The following ZBTB7C variants were observed in gnomAD, a reference collection of about 807,000 sequenced individuals.
ZBTB7C encodes zinc finger and BTB domain-containing protein 7C.
A neutral mutation model predicts 25.7 loss-of-function variants in ZBTB7C; 8 were observed. The observed-to-expected ratio is 0.31, with a 90% confidence interval of 0.18 to 0.56. The LOEUF is 0.56. Ranked by LOEUF, ZBTB7C falls within the 20% of genes least tolerant of loss-of-function variation. The probability of loss-of-function intolerance (pLI) is 0.91; values close to 1 mark genes in which losing one functional copy is unlikely to be tolerated. For missense variants in ZBTB7C, 824 were observed against 855.2 expected (o/e 0.96, Z 0.46); for synonymous variants, 394 against 369.0 (o/e 1.07, Z -0.78).
At chr18:48,277,199 G>A (rs1353084842) in intron 2 of ZBTB7C, among the ~76,000 whole-genome samples, 4 of 144,858 alleles carry the variant, frequency 2.8e-5, no homozygotes, top group African/African-American at 7.8e-5. Flanking sequence ...TACCATCAGA[G>A]TGAACAGGCA....
chr18:48,170,979 C>T (rs952126674), intron 3 of ZBTB7C, among the ~76,000 whole-genome samples: 3 of 152,216 alleles, frequency 2.0e-5, no homozygotes, highest in Admixed American at 2.0e-4. Context: ...GAGCTGTGCC[C>T]TGGGTTCTGC....
At position 48,393,792 on chromosome 18, in the gene ZBTB7C, C is replaced by G. The variant is rs180933698; in HGVS notation, c.-304+15434G>C. 1.8e-3 allele frequency among the ~76,000 whole-genome samples: 275 copies of G among 152,302 alleles called. 1 individual carries two copies. Among genetic ancestry groups the G allele is most frequent in the Admixed American group, 0.011 (169 of 15,302 alleles). The stretch of plus-strand genomic sequence containing the variant: ...CAACCTCAGGCACCAGAGTCAGGAA[C>G]CATGCTGCTTCAGTCACTGGAAAAT... On this transcript the variant is annotated intron_variant, in intron 1 of 4. Coordinates refer to ENST00000590800, the MANE Select transcript of ZBTB7C (RefSeq NM_001318841.2).
intron 2 of ZBTB7C, among the ~76,000 whole-genome samples, chr18:48,268,900 G>A (rs1469451611): frequency 6.6e-6 from 1 of 151,942 alleles, no homozygotes; most frequent in Non-Finnish European, 1.5e-5. Context: ...CTAGTAGCTG[G>A]GAAGTCCAAG....
intron 3 of ZBTB7C, chr18:48,162,377 T>C: frequency 2.2e-6 from 1 of 456,678 alleles, no homozygotes; most frequent in South Asian, 1.5e-5. Flanking sequence ...AAGTGACTTC[T>C]CTATGCCTCA....
Position 48,081,443 on chromosome 18 carries a change from CTTTTTCTTTTTCTTTTTCTTTTTT to C in ZBTB7C, c.-16-40344_-16-40321del, listed in dbSNP as rs574607686. On this transcript the variant is annotated intron_variant, in intron 3 of 4. Transcript: ENST00000590800. ...GCTCATTCTAAATGATTTCTTTTTT[CTTTTTCTTTTTCTTTTTCTTTTTT>C]TTTTTGGTTGAGATAGAGTCTCACT... Among the ~76,000 whole-genome samples, 33 of 124,498 alleles carry C rather than the reference CTTTTTCTTTTTCTTTTTCTTTTTT, an allele frequency of 2.7e-4. No individual in the cohort carries two copies. In the South Asian group the frequency reaches 7.2e-3, roughly 27 times the overall value. 81.7% of individuals were successfully genotyped at this position (124,498 alleles called of 152,430 possible). A position where few individuals can be genotyped will look rare whatever the true frequency, so the allele number is the denominator to read the frequency against.
intron 3 of ZBTB7C, among the ~76,000 whole-genome samples, chr18:48,093,936 G>A (rs1353426640): frequency 2.6e-5 from 4 of 152,242 alleles, no homozygotes; most frequent in African/African-American, 7.2e-5. Flanking sequence ...GCAGGTGCCT[G>A]TAGTCCCAGC....
intron 2 of ZBTB7C, among the ~76,000 whole-genome samples, chr18:48,215,602 G>C (rs1469792505): frequency 6.6e-6 from 1 of 152,144 alleles, no homozygotes; most frequent in Non-Finnish European, 1.5e-5. Flanking sequence ...GGAGTGTCTG[G>C]GTTAAGGTAA....
intron 3 of ZBTB7C, among the ~76,000 whole-genome samples, chr18:48,138,136 G>A (rs76636465): frequency 0.019 from 2,827 of 152,348 alleles, 88 homozygotes; most frequent in African/African-American, 0.065. Context: ...AGAGTCCAAC[G>A]AGGTGCTTGG....
intron 2 of ZBTB7C, among the ~76,000 whole-genome samples, chr18:48,254,650 A>G (rs1298109063): frequency 6.6e-6 from 1 of 151,958 alleles, no homozygotes; most frequent in Non-Finnish European, 1.5e-5. Context: ...CCATGTATTT[A>G]CCCCAGACAA....
At chr18:48,238,243 G>A (rs1323209814) in intron 2 of ZBTB7C, among the ~76,000 whole-genome samples, 1 of 152,164 alleles carries the variant, frequency 6.6e-6, no homozygotes, top group African/African-American at 2.4e-5. Context: ...GTGCATATAA[G>A]TGTTATGCAC....
intron 2 of ZBTB7C, among the ~76,000 whole-genome samples, chr18:48,262,069 T>C (rs145488104): frequency 0.015 from 2,272 of 152,262 alleles, 60 homozygotes; most frequent in African/African-American, 0.051. Flanking sequence ...CCCTAGAAAG[T>C]CACAGGAGTA....
At chr18:48,202,249 C>T (rs901903234) in intron 2 of ZBTB7C, among the ~76,000 whole-genome samples, 8 of 152,120 alleles carry the variant, frequency 5.3e-5, no homozygotes, top group Non-Finnish European at 7.4e-5. Context: ...AACAGACACA[C>T]GCAGAGAGGG....
chr18:48,324,811 C>T lies in ZBTB7C; in HGVS notation c.-79+13363G>A, dbSNP rs989570884. Among the ~76,000 whole-genome samples, 9 of 152,046 alleles carry T rather than the reference C, an allele frequency of 5.9e-5. No individual in the cohort carries two copies. The South Asian group carries it at 6.2e-4, about 11-fold the overall frequency. On this transcript the variant is annotated intron_variant, in intron 2 of 4. Transcript: ENST00000590800. ...GGCTGGGGATGGTGGCAGGAAACGC[C>T]GGGGGACCTGTCTGGGCTGGTCCAG... is the stretch of plus-strand genomic sequence containing the variant.
intron 2 of ZBTB7C, among the ~76,000 whole-genome samples, chr18:48,292,007 G>A (rs990177717): frequency 2.0e-5 from 3 of 152,126 alleles, no homozygotes; most frequent in Non-Finnish European, 4.4e-5. Flanking sequence ...AGGCCAGCCT[G>A]GCCAACATGG....
chr18:48,032,274 C>T (rs541825244), intron 4 of ZBTB7C, among the ~76,000 whole-genome samples: 7 of 151,072 alleles, frequency 4.6e-5, no homozygotes, highest in East Asian at 3.9e-4. Context: ...CCACCACGCC[C>T]GGCTAATTTT....
intron 2 of ZBTB7C, among the ~76,000 whole-genome samples, chr18:48,209,185 C>T (rs10460040): frequency 0.29 from 43,765 of 152,062 alleles, 6,746 homozygotes; most frequent in East Asian, 0.54. Context: ...GCAATGGATG[C>T]TCCAAGTTGG....
intron 3 of ZBTB7C, among the ~76,000 whole-genome samples, chr18:48,100,746 A>G (rs997071956): frequency 6.6e-6 from 1 of 152,188 alleles, no homozygotes; most frequent in African/African-American, 2.4e-5. Context: ...GGGTTTGGTA[A>G]TGGAGGCTGA....
intron 2 of ZBTB7C, among the ~76,000 whole-genome samples, chr18:48,190,016 G>C (rs1177563568): frequency 1.3e-5 from 2 of 152,130 alleles, no homozygotes; most frequent in African/African-American, 4.8e-5. Flanking sequence ...CTGCTGTCGT[G>C]GGGAGAAACA....
chr18:48,160,431 C>T (rs945579641), intron 3 of ZBTB7C, among the ~76,000 whole-genome samples: 1 of 152,166 alleles, frequency 6.6e-6, no homozygotes, highest in African/African-American at 2.4e-5. Flanking sequence ...AGCTGGGAGG[C>T]TAGTCAGAGT....
Sources: gnomAD v4.1 joint callset for allele counts (sites outside exome capture counted in the v4.1 genomes callset) on GRCh38, gnomAD v4.1.1 for gene constraint, MANE v1.5 for transcripts, NCBI Gene and HGNC (gene_info 2026-07-23, HGNC 2026-07-21) for gene names.